Variants in PCCB observed in about 807,000 individuals in gnomAD.
The protein encoded by PCCB is propionyl-CoA carboxylase subunit beta, also known as propionyl-CoA carboxylase beta chain, mitochondrial.
In PCCB, 43 loss-of-function variants were observed where a neutral mutation model predicts 60.7. The observed-to-expected ratio is 0.71, with a 90% confidence interval of 0.55 to 0.91. The LOEUF (loss-of-function observed/expected upper bound fraction) is 0.91. PCCB is among the 40% of genes least tolerant of loss of function. PCCB has a pLI of 0.00. For synonymous variants in PCCB, 276 were observed against 255.9 expected, an observed-to-expected ratio of 1.08 and a Z score of -0.75; for missense variants, 766 against 702.8, an observed-to-expected ratio of 1.09 and a Z score of -1.02.
chr3:136,266,131 G>GTTTTTTTTTT, intron 5 of PCCB, among the ~76,000 whole-genome samples: 1 of 124,922 alleles, frequency 8.0e-6, no homozygotes. Flanking sequence ...CCCAGCCTTG[G>GTTTTTTTTTT]TTTTTTTTTT....
chr3:136,317,357 G>T lies in PCCB; in HGVS notation c.1090+293G>T, dbSNP rs988377141. Among the ~76,000 whole-genome samples, 43 of 151,410 alleles carry T rather than the reference G, an allele frequency of 2.8e-4. 1 individual carries two copies. Among genetic ancestry groups the T allele is most frequent in the African/African-American group, 1.0e-3 (42 of 41,218 alleles). On this transcript the variant is annotated intron_variant, in intron 10 of 14. Coordinates refer to ENST00000251654, the MANE Select transcript of PCCB (RefSeq NM_000532.5). ...CCACCTCGGCCTCCCGAGTAGCTGG[G>T]ACTACAGGCACATACCACCATACCT...
intron 5 of PCCB, among the ~76,000 whole-genome samples, chr3:136,283,628 A>G (rs1942535787): frequency 6.6e-6 from 1 of 152,184 alleles, no homozygotes; most frequent in African/African-American, 2.4e-5. Flanking sequence ...TACTTGCCTC[A>G]GAAAGTAATA....
chr3:136,325,149 CA>C (rs1935258454), intron 10 of PCCB, among the ~76,000 whole-genome samples: 1 of 151,976 alleles, frequency 6.6e-6, no homozygotes, highest in Non-Finnish European at 1.5e-5. Context: ...CTTGGCCTCC[CA>C]AAATGATGGG....
chr3:136,328,360 A>C (rs962563546), intron 13 of PCCB, among the ~76,000 whole-genome samples: 7 of 152,188 alleles, frequency 4.6e-5, no homozygotes, highest in African/African-American at 1.4e-4. Context: ...CTCAGGTCTT[A>C]GGGTACCGAA....
chr3:136,251,150 C>CAG, intron 1 of PCCB: 1 of 450,774 alleles, frequency 2.2e-6, no homozygotes, highest in Non-Finnish European at 4.5e-6. Flanking sequence ...GTGTCGGAAG[C>CAG]AGGTGGCCTT....
chr3:136,285,381 G>T (rs898504643), intron 6 of PCCB, among the ~76,000 whole-genome samples: 2 of 151,652 alleles, frequency 1.3e-5, no homozygotes, highest in South Asian at 2.1e-4. Context: ...CAGTCTGTCC[G>T]TTGGTACTAG....
intron 9 of PCCB, 152 bp downstream of exon 9, chr3:136,301,263 A>G: frequency 1.4e-6 from 1 of 710,676 alleles, no homozygotes; most frequent in South Asian, 1.5e-5. Context: ...GTGGCCACTG[A>G]GTAGTGTGTT....
chr3:136,296,155 G>A (rs1405369615), intron 7 of PCCB, among the ~76,000 whole-genome samples: 1 of 152,050 alleles, frequency 6.6e-6, no homozygotes, highest in East Asian at 1.9e-4. Context: ...ACAATTCAGT[G>A]GTTTTTAAAA....
intron 5 of PCCB, among the ~76,000 whole-genome samples, chr3:136,273,601 T>C (rs1483650406): frequency 3.5e-4 from 48 of 135,888 alleles, no homozygotes; most frequent in Admixed American, 2.6e-3. Flanking sequence ...TTTTTTCTTT[T>C]TTTTTTTTTT....
intron 6 of PCCB, 145 bp from the exon 7 acceptor site, chr3:136,293,611 G>A: frequency 1.4e-6 from 1 of 721,432 alleles, no homozygotes; most frequent in Non-Finnish European, 2.5e-6. Context: ...TCTTTAGTTT[G>A]GAGTCGTATC....
At chr3:136,250,738 A>G (rs1229116325) in intron 1 of PCCB, among the ~76,000 whole-genome samples, 180 bp downstream of exon 1, 1 of 152,204 alleles carries the variant, frequency 6.6e-6, no homozygotes, top group Non-Finnish European at 1.5e-5. Flanking sequence ...TAACCAGCAG[A>G]AGCACCTGTG....
chr3:136,268,218 T>G (rs1221302188), intron 5 of PCCB, among the ~76,000 whole-genome samples: 2 of 149,600 alleles, frequency 1.3e-5, no homozygotes, highest in East Asian at 3.9e-4. Flanking sequence ...GAGTTAATTT[T>G]TGTATATGGT....
intron 10 of PCCB, chr3:136,326,507 C>A (rs954360289): frequency 3.0e-6 from 2 of 658,052 alleles, no homozygotes; most frequent in African/African-American, 1.8e-5. Flanking sequence ...AATGCTGCCT[C>A]CCACTGATGG....
chr3:136,260,851 G>C (rs1941802108), intron 4 of PCCB, among the ~76,000 whole-genome samples: 1 of 152,120 alleles, frequency 6.6e-6, no homozygotes, highest in African/African-American at 2.4e-5. Context: ...ACAAGATTTA[G>C]CAGTAGATCT....
intron 7 of PCCB, among the ~76,000 whole-genome samples, chr3:136,295,950 G>T (rs1933914865): frequency 6.6e-6 from 1 of 152,058 alleles, no homozygotes; most frequent in South Asian, 2.1e-4. Context: ...TTGTAGGGCA[G>T]TATGTGGTTT....
intron 6 of PCCB, among the ~76,000 whole-genome samples, chr3:136,292,485 A>G (rs1486481142): frequency 6.6e-6 from 1 of 152,242 alleles, no homozygotes; most frequent in East Asian, 1.9e-4. Context: ...CACTGTAGTA[A>G]TATTTATTGC....
At chr3:136,327,900 A>G (rs1369509562) in intron 13 of PCCB, among the ~76,000 whole-genome samples, 168 bp downstream of exon 13, 2 of 152,118 alleles carry the variant, frequency 1.3e-5, no homozygotes. Context: ...GGGGCTCCAG[A>G]GATAGCTCTG....
chr3:136,275,254 G>A (rs1431931852), intron 5 of PCCB, among the ~76,000 whole-genome samples: 1 of 151,946 alleles, frequency 6.6e-6, no homozygotes, highest in Non-Finnish European at 1.5e-5. Context: ...ATTTCCCTAA[G>A]TGTGTTTCAT....
intron 5 of PCCB, among the ~76,000 whole-genome samples, chr3:136,279,936 G>A (rs1942431435): frequency 6.6e-6 from 1 of 152,150 alleles, no homozygotes; most frequent in Admixed American, 6.5e-5. Context: ...AAAGTGCTGG[G>A]ATTACAGGCG....
Sources: gnomAD v4.1 joint callset for allele counts (sites outside exome capture counted in the v4.1 genomes callset) on GRCh38, gnomAD v4.1.1 for gene constraint, MANE v1.5 for transcripts, NCBI Gene and HGNC (gene_info 2026-07-23, HGNC 2026-07-21) for gene names.